CYSTM1: variants seen among roughly 807,000 people sequenced by gnomAD.
CYSTM1 encodes the protein cysteine-rich transmembrane module-containing protein 1.
Under a neutral mutation model 13.1 loss-of-function variants are expected in CYSTM1, and 4 were observed. That is an observed-to-expected ratio of 0.31 (90% CI 0.15 to 0.70). The LOEUF is 0.70. CYSTM1 is among the 30% of genes least tolerant of loss of function. The probability of loss-of-function intolerance (pLI) is 0.72; values close to 1 mark genes in which losing one functional copy is unlikely to be tolerated. For missense variants in CYSTM1, 96 were observed against 121.6 expected, an observed-to-expected ratio of 0.79 and a Z score of 0.99; for synonymous variants, 36 against 42.7, an observed-to-expected ratio of 0.84 and a Z score of 0.62.
chr5:140,196,618 G>A (rs914658851), intron 2 of CYSTM1, among the ~76,000 whole-genome samples: 8 of 152,204 alleles, frequency 5.3e-5, no homozygotes, highest in African/African-American at 1.9e-4. Context: ...GAAGAGGGCA[G>A]GAAGTATAAC....
At chr5:140,209,410 G>A (rs576585110) in intron 2 of CYSTM1, among the ~76,000 whole-genome samples, 18 of 149,380 alleles carry the variant, frequency 1.2e-4, no homozygotes, top group South Asian at 1.1e-3. Context: ...GGGATTACAG[G>A]CACACAACAC....
rs183694803 is a variant in CYSTM1, at chr5:140,224,265, G to A, written c.188-19040G>A. On this transcript the variant is annotated intron_variant, in intron 2 of 2. Transcript: ENST00000261811. Reference sequence around the variant, plus strand: ...AGCGATTCTCCTGCCTCAGCCTCTCGAGTAGCTGGGATTACAGGCATGCGC... The same window carrying A: ...AGCGATTCTCCTGCCTCAGCCTCTCAAGTAGCTGGGATTACAGGCATGCGC... Among the ~76,000 whole-genome samples, 141 of 152,102 alleles carry A rather than the reference G, an allele frequency of 9.3e-4. 2 individuals carry two copies. In the East Asian group the frequency reaches 0.027, roughly 29 times the overall value.
At chr5:140,203,434 C>T (rs535361613) in intron 2 of CYSTM1, among the ~76,000 whole-genome samples, 3 of 152,238 alleles carry the variant, frequency 2.0e-5, no homozygotes, top group African/African-American at 7.2e-5. Context: ...AGCCTAGTTT[C>T]AAGGGGAGGA....
chr5:140,221,224 T>C (rs1282521839), intron 2 of CYSTM1, among the ~76,000 whole-genome samples: 1 of 152,222 alleles, frequency 6.6e-6, no homozygotes, highest in Non-Finnish European at 1.5e-5. Flanking sequence ...AAAATTCTCA[T>C]AAAATTTGCC....
In CYSTM1 at chr5:140,239,986, T is replaced by C. The variant is rs1255532791; in HGVS notation, c.188-3319T>C. ...GATGCTTATGGAAGGAAACCAGTCCTTAAGACCCTGCCCGCGTCAGGAGCT... is the reference window on the plus strand; with the variant it reads ...GATGCTTATGGAAGGAAACCAGTCCCTAAGACCCTGCCCGCGTCAGGAGCT... On this transcript the variant is annotated intron_variant, in intron 2 of 2. Transcript: ENST00000261811. The surrounding 1 kb of genome is among the most constrained non-coding windows in gnomAD (Gnocchi z 5.4). Among the ~76,000 whole-genome samples, 1 of 152,082 alleles carries C rather than the reference T, an allele frequency of 6.6e-6. No individual in the cohort carries two copies. Among genetic ancestry groups the C allele is most frequent in the Non-Finnish European group, 1.5e-5 (1 of 68,020 alleles).
intron 2 of CYSTM1, among the ~76,000 whole-genome samples, chr5:140,207,490 T>C (rs187243622): frequency 6.6e-6 from 1 of 152,304 alleles, no homozygotes; most frequent in Admixed American, 6.5e-5. Context: ...AGGTTTCAGA[T>C]TACTTGAGGG....
chr5:140,241,548 A>G (rs1323844759), intron 2 of CYSTM1, among the ~76,000 whole-genome samples: 1 of 152,252 alleles, frequency 6.6e-6, no homozygotes. Flanking sequence ...GGCTATTTCC[A>G]GAGCTGGCAG....
intron 1 of CYSTM1, among the ~76,000 whole-genome samples, chr5:140,186,924 A>G (rs1392967731): frequency 6.6e-6 from 1 of 152,036 alleles, no homozygotes; most frequent in Non-Finnish European, 1.5e-5. Context: ...TCAGGAGCTC[A>G]AGACCAGCCT....
At chr5:140,177,078 A>AAAACAAAAAAAAC (rs1554131562) in intron 1 of CYSTM1, among the ~76,000 whole-genome samples, 3 of 135,544 alleles carry the variant, frequency 2.2e-5, no homozygotes, top group Admixed American at 7.6e-5. Context: ...CAAAAAAAAA[A>AAAACAAAAAAAAC]AAAAAAAAAT....
At chr5:140,193,269 ATTGTTTGTTTGT>A (rs36159423) in intron 1 of CYSTM1, among the ~76,000 whole-genome samples, 12 of 151,096 alleles carry the variant, frequency 7.9e-5, no homozygotes, top group African/African-American at 2.9e-4. Context: ...TTCCCCAGTA[ATTGTTTGTTTGT>A]TTGTTTGTTT....
intron 2 of CYSTM1, among the ~76,000 whole-genome samples, chr5:140,242,674 T>G (rs929718792): frequency 2.6e-5 from 4 of 152,056 alleles, no homozygotes; most frequent in African/African-American, 9.7e-5. Context: ...AGGGCTCAGG[T>G]TTCCAGCTCC....
intron 2 of CYSTM1, among the ~76,000 whole-genome samples, chr5:140,242,137 G>A (rs1764757525): frequency 6.6e-6 from 1 of 152,160 alleles, no homozygotes. Flanking sequence ...AGGCTTTCCT[G>A]GTGAAGGGCA....
At chr5:140,178,546 G>A (rs1763920727) in intron 1 of CYSTM1, among the ~76,000 whole-genome samples, 1 of 145,056 alleles carries the variant, frequency 6.9e-6, no homozygotes, top group Non-Finnish European at 1.5e-5. Context: ...AACCCTGTGA[G>A]TAGCTGGGAC....
intron 2 of CYSTM1, among the ~76,000 whole-genome samples, chr5:140,221,212 A>G (rs1764484512): frequency 6.6e-6 from 1 of 152,216 alleles, no homozygotes; most frequent in Non-Finnish European, 1.5e-5. Context: ...TATGTATGTG[A>G]TAAAATTCTC....
intron 2 of CYSTM1, among the ~76,000 whole-genome samples, chr5:140,236,710 T>A (rs1056629385): frequency 2.0e-5 from 3 of 152,188 alleles, no homozygotes; most frequent in Admixed American, 6.5e-5. Context: ...GTCAAGTGTC[T>A]TACTTGAAAT....
rs540108079 is a variant in CYSTM1 at position 140,177,986 on chromosome 5, A to G, written c.-21+2701A>G. ...AAGTTTTTGGAAATTTTCTGCTTTCATTCACCCAAGCCACCCCCACAAGTT... is the reference window on the plus strand; with the variant it reads ...AAGTTTTTGGAAATTTTCTGCTTTCGTTCACCCAAGCCACCCCCACAAGTT... On this transcript the variant is annotated intron_variant, in intron 1 of 2. Transcript: ENST00000261811. Among the ~76,000 whole-genome samples the G allele has an allele frequency of 3.9e-5, 6 of 152,308 alleles. No individual in the cohort carries two copies. In the East Asian group the frequency reaches 7.7e-4, roughly 20 times the overall value.
chr5:140,230,363 C>A lies in CYSTM1; in HGVS notation c.188-12942C>A, dbSNP rs146570886. Among the ~76,000 whole-genome samples the A allele has an allele frequency of 2.6e-5, 4 of 152,298 alleles. No homozygotes were observed. The highest frequency in any genetic ancestry group is 9.6e-5 in the African/African-American group (4 of 41,544). On this transcript the variant is annotated intron_variant, in intron 2 of 2. Transcript: ENST00000261811. The surrounding 1 kb of genome is among the most constrained non-coding windows in gnomAD (Gnocchi z 4.1). ...AAGAAATGCTTTTATTATAAGTTAA[C>A]AATTAGACAGGATTCCAGCTCAAAT...
chr5:140,235,902 C>T (rs1439922368), intron 2 of CYSTM1, among the ~76,000 whole-genome samples: 5 of 152,122 alleles, frequency 3.3e-5, no homozygotes, highest in Admixed American at 1.3e-4. Context: ...CATCCTGTCC[C>T]GAGTACTCTT....
rs908934421 is a variant in CYSTM1 at position 140,230,507 on chromosome 5, G to A, written c.188-12798G>A. On this transcript the variant is annotated intron_variant, in intron 2 of 2. Coordinates refer to ENST00000261811, the MANE Select transcript of CYSTM1 (RefSeq NM_032412.4). The surrounding 1 kb of genome is among the most constrained non-coding windows in gnomAD (Gnocchi z 4.1). ...AGAGGTTTGGAAAGTCCTGGGGCAT[G>A]TACAATAATCTCTTCATGCTACCTC... Among the ~76,000 whole-genome samples the A allele has an allele frequency of 3.3e-5, 5 of 152,174 alleles. No homozygotes were observed. The highest frequency in any genetic ancestry group is 2.6e-4 in the Admixed American group (4 of 15,280).
Sources: allele counts gnomAD v4.1 joint callset (sites outside exome capture counted in the v4.1 genomes callset), GRCh38; gene constraint gnomAD v4.1.1; non-coding constraint Gnocchi (gnomAD v3.1); transcripts MANE v1.5; gene names NCBI Gene and HGNC (gene_info 2026-07-23, HGNC 2026-07-21).